SDK1: variants seen among roughly 807,000 people sequenced by gnomAD.
SDK1 encodes protein sidekick-1.
SDK1 carries 157 observed loss-of-function variants against 245.5 expected under a neutral mutation model. That is an observed-to-expected ratio of 0.64 (90% CI 0.56 to 0.73). The LOEUF (loss-of-function observed/expected upper bound fraction) is 0.73. Among genes scored for constraint, SDK1 ranks in the 30% least tolerant of loss-of-function variants. The pLI is 0.00. For missense variants in SDK1, 3,583 were observed against 3,002.3 expected, an observed-to-expected ratio of 1.19 and a Z score of -4.52; for synonymous variants, 1,647 against 1,278.5, an observed-to-expected ratio of 1.29 and a Z score of -6.15.
intron 1 of SDK1, among the ~76,000 whole-genome samples, chr7:3,391,612 A>G (rs538511591): frequency 6.6e-6 from 1 of 150,730 alleles, no homozygotes; most frequent in South Asian, 2.1e-4. Flanking sequence ...GAATAAAAGT[A>G]TATACATGTA....
At chr7:4,245,434 T>C (rs1290382800) in intron 43 of SDK1, among the ~76,000 whole-genome samples, 1 of 152,130 alleles carries the variant, frequency 6.6e-6, no homozygotes, top group Non-Finnish European at 1.5e-5. Context: ...ACAGACCAGC[T>C]CTTCCTCCAT....
chr7:4,255,703 C>G (rs991925225), intron 44 of SDK1, among the ~76,000 whole-genome samples: 2 of 152,038 alleles, frequency 1.3e-5, no homozygotes, highest in Admixed American at 1.3e-4. Context: ...ACTTTCCTCT[C>G]CAAGTTAAAT....
intron 1 of SDK1, among the ~76,000 whole-genome samples, chr7:3,402,152 G>T (rs1158868436): frequency 6.6e-6 from 1 of 152,144 alleles, no homozygotes; most frequent in Non-Finnish European, 1.5e-5. Context: ...AATGCAAAAA[G>T]AACTTGAGAA....
intron 5 of SDK1, among the ~76,000 whole-genome samples, chr7:3,879,823 T>A (rs1387423781): frequency 6.6e-6 from 1 of 152,212 alleles, no homozygotes; most frequent in Non-Finnish European, 1.5e-5. Context: ...ATTAAAACTA[T>A]ATACAGCATG....
chr7:4,258,767 C>G (rs1162836013), intron 44 of SDK1, among the ~76,000 whole-genome samples: 2 of 152,144 alleles, frequency 1.3e-5, no homozygotes, highest in African/African-American at 4.8e-5. Flanking sequence ...GGGGAAGACC[C>G]CCGGGACCTG....
At chr7:3,672,215 G>C (rs1246844209) in intron 4 of SDK1, among the ~76,000 whole-genome samples, 1 of 152,030 alleles carries the variant, frequency 6.6e-6, no homozygotes, top group Non-Finnish European at 1.5e-5. Flanking sequence ...GATGCTGCTG[G>C]TGAGAATGAA....
intron 1 of SDK1, among the ~76,000 whole-genome samples, chr7:3,560,612 C>T (rs1452834572): frequency 6.6e-6 from 1 of 152,148 alleles, no homozygotes; most frequent in African/African-American, 2.4e-5. Context: ...CACCCCACAG[C>T]CCAGTCTCCA....
At position 3,903,778 on chromosome 7, in the gene SDK1, G is replaced by T. The variant is rs906745210; in HGVS notation, c.848-47145G>T. Among the ~76,000 whole-genome samples the T allele has an allele frequency of 2.6e-5, 4 of 152,076 alleles. No individual in the cohort carries two copies. The East Asian group carries it at 7.7e-4, about 29-fold the overall frequency. On this transcript the variant is annotated intron_variant, in intron 5 of 44. Transcript: ENST00000404826. ...AATTTGATCTCCCGTGTTGGAGGTG[G>T]GGCCTCATGGGAGGTGTTTGGGTCA...
At chr7:3,417,527 C>T (rs1167814002) in intron 1 of SDK1, among the ~76,000 whole-genome samples, 6 of 152,200 alleles carry the variant, frequency 3.9e-5, no homozygotes, top group African/African-American at 1.2e-4. Flanking sequence ...AGTACCTTCT[C>T]TGACCCCGTA....
At chr7:3,572,558 T>A (rs1267789412) in intron 1 of SDK1, among the ~76,000 whole-genome samples, 1 of 152,054 alleles carries the variant, frequency 6.6e-6, no homozygotes, top group Admixed American at 6.6e-5. Context: ...TAAGAGTGCC[T>A]AGCAAATCGT....
chr7:4,261,208 G>A (rs1787981341), intron 44 of SDK1, among the ~76,000 whole-genome samples: 2 of 152,100 alleles, frequency 1.3e-5, no homozygotes, highest in Non-Finnish European at 2.9e-5. Flanking sequence ...GGTGCCGGAC[G>A]GTGTCGGCTC....
chr7:3,485,323 A>C (rs958636100), intron 1 of SDK1, among the ~76,000 whole-genome samples: 4 of 152,124 alleles, frequency 2.6e-5, no homozygotes, highest in African/African-American at 9.7e-5. Flanking sequence ...GTCTCTTCAG[A>C]TACTTTGCCC....
At chr7:3,773,335 A>G (rs1191774882) in intron 4 of SDK1, among the ~76,000 whole-genome samples, 4 of 151,744 alleles carry the variant, frequency 2.6e-5, no homozygotes, top group Admixed American at 2.6e-4. Context: ...GAATCCCTCT[A>G]GTAAATTTAT....
At chr7:3,405,171 C>CA (rs1779016285) in intron 1 of SDK1, among the ~76,000 whole-genome samples, 1 of 138,636 alleles carries the variant, frequency 7.2e-6, no homozygotes, top group African/African-American at 3.1e-5. Flanking sequence ...AAAAAAAAAA[C>CA]AAAAACAAAA....
chr7:3,569,214 A>G (rs145550873), intron 1 of SDK1, among the ~76,000 whole-genome samples: 1 of 152,346 alleles, frequency 6.6e-6, no homozygotes, highest in East Asian at 1.9e-4. Flanking sequence ...GTAAGTTAGA[A>G]GCGAGAAAAA....
In SDK1 at chr7:3,756,150, A is replaced by T. The variant is rs562170429; in HGVS notation, c.714-65300A>T. 3.5e-5 allele frequency among the ~76,000 whole-genome samples: 5 copies of T among 141,896 alleles called. No individual in the cohort carries two copies. The East Asian group carries it at 8.7e-4, about 25-fold the overall frequency. 93.1% of individuals were successfully genotyped at this position (141,896 alleles called of 152,430 possible). A position where few individuals can be genotyped will look rare whatever the true frequency, so the allele number is the denominator to read the frequency against. ...TGACTCCTTTCACATGGCATAGCACATGTGACACATGCATATCATTGATGT... is the reference window on the plus strand; with the variant it reads ...TGACTCCTTTCACATGGCATAGCACTTGTGACACATGCATATCATTGATGT... On this transcript the variant is annotated intron_variant, in intron 4 of 44. Transcript: ENST00000404826.
In SDK1 at chr7:3,687,056, A is replaced by AACACACACACACACACACACACACAC. The variant is rs200034994; in HGVS notation, c.713+44970_713+44995dup. 4.0e-3 allele frequency among the ~76,000 whole-genome samples: 536 copies of AACACACACACACACACACACACACAC among 135,180 alleles called. 11 individuals are homozygous for AACACACACACACACACACACACACAC. The highest frequency in any genetic ancestry group is 0.013 in the African/African-American group (455 of 34,022). The allele number at this position is 135,180 out of a possible 152,430, so 88.7% of individuals were successfully genotyped here. A position where few individuals can be genotyped will look rare whatever the true frequency, so the allele number is the denominator to read the frequency against. On this transcript the variant is annotated intron_variant, in intron 4 of 44. Transcript: ENST00000404826. ...CCAAACTGGGTTGGGATAGCATCAA[A>AACACACACACACACACACACACACAC]ACACACACACACACACACACACACA... is the stretch of plus-strand genomic sequence containing the variant.
At chr7:3,560,809 C>A (rs114716040) in intron 1 of SDK1, among the ~76,000 whole-genome samples, 8 of 152,176 alleles carry the variant, frequency 5.3e-5, no homozygotes, top group Non-Finnish European at 7.3e-5. Flanking sequence ...TGGCCTCTTT[C>A]CTGTTCCTCC....
intron 1 of SDK1, among the ~76,000 whole-genome samples, chr7:3,305,764 C>T (rs1488489039): frequency 6.6e-6 from 1 of 152,110 alleles, no homozygotes; most frequent in Non-Finnish European, 1.5e-5. Flanking sequence ...TACTGTCTTC[C>T]AAATCCAACA....
Sources: gnomAD v4.1 joint callset for allele counts (sites outside exome capture counted in the v4.1 genomes callset) on GRCh38, gnomAD v4.1.1 for gene constraint, MANE v1.5 for transcripts, NCBI Gene and HGNC (gene_info 2026-07-23, HGNC 2026-07-21) for gene names.